The following NRXN3 variants were observed in gnomAD, a reference collection of about 807,000 sequenced individuals.
NRXN3 encodes the protein neurexin III.
In NRXN3, 32 loss-of-function variants were observed where a neutral mutation model predicts 137.6. The observed-to-expected ratio is 0.23, with a 90% CI of 0.18 to 0.31. The LOEUF (loss-of-function observed/expected upper bound fraction) is 0.31, where lower values mean the gene tolerates loss of function less well. NRXN3 is among the 10% of genes least tolerant of loss of function. The pLI is 1.00. For synonymous variants in NRXN3, 798 were observed against 784.5 expected, an observed-to-expected ratio of 1.02 and a Z score of -0.29; for missense variants, 1,574 against 2,062.5, an observed-to-expected ratio of 0.76 and a Z score of 4.59.
chr14:78,274,062 G>A (rs1388565664), intron 2 of NRXN3, among the ~76,000 whole-genome samples: 1 of 152,162 alleles, frequency 6.6e-6, no homozygotes, highest in African/African-American at 2.4e-5. Flanking sequence ...GAGAATCTTG[G>A]ACTCATACCT....
At position 78,815,716 on chromosome 14, in the gene NRXN3, G is replaced by A. The variant is rs565186570; in HGVS notation, c.2275+5372G>A. 5.9e-5 allele frequency among the ~76,000 whole-genome samples: 9 copies of A among 151,814 alleles called. No individual in the cohort carries two copies. In the South Asian group the frequency reaches 1.2e-3, roughly 21 times the overall value. On this transcript the variant is annotated intron_variant, in intron 10 of 20. Transcript: ENST00000335750. ...ATATGTTATTTCATCTTTACGAATC[G>A]TTTATCTGAGAATCTCAGAGCCAAA...
intron 15 of NRXN3, among the ~76,000 whole-genome samples, chr14:79,349,013 C>T (rs75550648): frequency 0.034 from 5,129 of 152,162 alleles, 137 homozygotes; most frequent in Non-Finnish European, 0.054. Context: ...GGATTTATTT[C>T]TACTGTTTGA....
intron 4 of NRXN3, among the ~76,000 whole-genome samples, chr14:78,328,956 T>C (rs990370655): frequency 6.6e-6 from 1 of 152,122 alleles, no homozygotes; most frequent in African/African-American, 2.4e-5. Context: ...TTCTGCCACA[T>C]GGTCTCCATC....
intron 6 of NRXN3, 71 bp from the exon 7 acceptor site, chr14:78,709,146 G>T (rs1395325524): frequency 1.4e-6 from 2 of 1,413,212 alleles, no homozygotes; most frequent in African/African-American, 1.4e-5. Flanking sequence ...TTTTCCAGGT[G>T]CCCAGTGAGT....
rs145545307 is a variant in NRXN3 at position 79,846,208 on chromosome 14, C to T, written c.4094-15134C>T. Among the ~76,000 whole-genome samples the T allele has an allele frequency of 2.5e-3, 373 of 152,212 alleles. 3 individuals carry two copies. Among genetic ancestry groups the T allele is most frequent in the African/African-American group, 8.7e-3 (361 of 41,552 alleles). ...TTCCTGGATGCCGAGTTGCCAGAAA[C>T]GTTCAATTTATTAAAAATGTATCTG... On this transcript the variant is annotated intron_variant, in intron 20 of 20. Transcript: ENST00000335750.
At chr14:78,265,390 T>C (rs2071529496) in intron 2 of NRXN3, among the ~76,000 whole-genome samples, 1 of 152,226 alleles carries the variant, frequency 6.6e-6, no homozygotes, top group Non-Finnish European at 1.5e-5. Context: ...AGGACACTGA[T>C]GAGGTGACGA....
intron 15 of NRXN3, among the ~76,000 whole-genome samples, chr14:79,359,976 G>C (rs138714802): frequency 0.051 from 7,778 of 151,658 alleles, 217 homozygotes; most frequent in Middle Eastern, 0.12. Context: ...TACCTAAAAC[G>C]AAAATACTTG....
chr14:78,651,341 A>C lies in NRXN3; in HGVS notation c.1221+15A>C. On this transcript the variant is annotated intron_variant, in intron 6 of 20. Transcript: ENST00000335750. The stretch of plus-strand genomic sequence containing the variant: ...GCCTTAAAGAGGTAAAGTTCACCCA[A>C]TTCTATTTAATGCACCATGTGATTG... 1 of 1,612,644 alleles carries C rather than the reference A, an allele frequency of 6.2e-7. No individual in the cohort carries two copies. Among genetic ancestry groups the C allele is most frequent in the Non-Finnish European group, 8.5e-7 (1 of 1,178,950 alleles).
At chr14:79,816,561 T>C (rs2099252053) in intron 20 of NRXN3, among the ~76,000 whole-genome samples, 1 of 152,228 alleles carries the variant, frequency 6.6e-6, no homozygotes, top group South Asian at 2.1e-4. Context: ...CCTCTTTTAC[T>C]AACATTGACA....
At chr14:78,279,709 A>G (rs1195496170) in intron 3 of NRXN3, 2 of 152,192 alleles carry the variant, frequency 1.3e-5, no homozygotes, top group Admixed American at 6.5e-5. Context: ...TGGGACCTGT[A>G]AGTGAAAATT....
At chr14:79,589,920 G>A (rs2097789572) in intron 16 of NRXN3, among the ~76,000 whole-genome samples, 1 of 152,180 alleles carries the variant, frequency 6.6e-6, no homozygotes. Context: ...AAACAGATTT[G>A]TGACACAAAA....
chr14:79,623,005 A>T (rs1331321959), intron 16 of NRXN3, among the ~76,000 whole-genome samples: 1 of 152,254 alleles, frequency 6.6e-6, no homozygotes, highest in Non-Finnish European at 1.5e-5. Flanking sequence ...AAATCCAATA[A>T]TTTTAAGTGA....
rs72681564 is a variant in NRXN3 at position 78,475,364 on chromosome 14, A to G, written c.758-169756A>G. ...TGTGTTAACACATAGGGGCAAGTTC[A>G]TCTGAAGTGGCCAGGAATTCTGCCT... On this transcript the variant is annotated intron_variant, in intron 4 of 20. Transcript: ENST00000335750. Among the ~76,000 whole-genome samples, 924 of 152,348 alleles carry G rather than the reference A, an allele frequency of 6.1e-3. 5 individuals are homozygous for G. Among genetic ancestry groups the G allele is most frequent in the Middle Eastern group, 0.024 (7 of 294 alleles).
Position 78,645,380 on chromosome 14 carries a change from A to C in NRXN3, c.1018A>C (p.Asn340His). ...GCCAGTGAATGGAAAATTCAACGAC[A>C]ACGCCTGGCATGATGTCAAAGTGAC... ...VEPVNGKFNDNAWHDVKVTRN... is the reference protein window; with the variant it reads ...VEPVNGKFNDHAWHDVKVTRN... Residue 340 changes from asparagine to histidine, a missense_variant, in exon 5 of 21, where the codon AAC becomes CAC. By Grantham distance (68) the Asn-to-His change is moderately conservative. Around this residue, in one of 5 missense-constraint regions of NRXN3, gnomAD observed 400 missense variants for 527.3 expected, o/e 0.76. Coordinates refer to ENST00000335750, the MANE Select transcript of NRXN3 (RefSeq NM_001330195.2). 6.3e-7 allele frequency: 1 copy of C among 1,596,462 alleles called. No homozygotes were observed. The highest frequency in any genetic ancestry group is 1.3e-5 in the African/African-American group (1 of 74,964).
intron 19 of NRXN3, among the ~76,000 whole-genome samples, chr14:79,740,490 A>T (rs974842778): frequency 5.9e-5 from 9 of 151,346 alleles, no homozygotes; most frequent in African/African-American, 2.2e-4. Context: ...GATACATACC[A>T]ACACTTGCCC....
intron 4 of NRXN3, among the ~76,000 whole-genome samples, chr14:78,605,250 C>T (rs2097239631): frequency 6.6e-6 from 1 of 152,150 alleles, no homozygotes; most frequent in Non-Finnish European, 1.5e-5. Context: ...TCACAGTTTT[C>T]ACTCTTCAAG....
chr14:79,143,427 A>G (rs1038615754), intron 15 of NRXN3, among the ~76,000 whole-genome samples: 1 of 152,198 alleles, frequency 6.6e-6, no homozygotes, highest in African/African-American at 2.4e-5. Context: ...ATCTAGATTG[A>G]ACTCTCCAGG....
intron 1 of NRXN3, among the ~76,000 whole-genome samples, chr14:78,240,733 T>C (rs931505760): frequency 3.3e-5 from 5 of 152,212 alleles, no homozygotes; most frequent in Non-Finnish European, 7.4e-5. Context: ...AAGCCTTTTA[T>C]AGAACAAAGC....
intron 16 of NRXN3, among the ~76,000 whole-genome samples, chr14:79,557,909 T>G (rs2097447262): frequency 6.6e-6 from 1 of 152,216 alleles, no homozygotes. Context: ...GAGTCCATCC[T>G]CTCAAACCCA....
Sources: allele counts gnomAD v4.1 joint callset (sites outside exome capture counted in the v4.1 genomes callset), GRCh38; gene constraint gnomAD v4.1.1; regional missense constraint gnomAD v4.1.1; transcripts MANE v1.5; gene names NCBI Gene and HGNC (gene_info 2026-07-23, HGNC 2026-07-21).